DPP10: variants seen among roughly 807,000 people sequenced by gnomAD.
The protein encoded by DPP10 is inactive dipeptidyl peptidase 10.
A neutral mutation model predicts 120.9 loss-of-function variants in DPP10; 33 were observed. The observed-to-expected ratio is 0.27, with a 90% CI of 0.21 to 0.37. The LOEUF (loss-of-function observed/expected upper bound fraction) is 0.37, where lower values mean the gene tolerates loss of function less well. Among genes scored for constraint, DPP10 ranks in the 10% least tolerant of loss-of-function variants. The pLI is 1.00. For synonymous variants in DPP10, 337 were observed against 326.1 expected (o/e 1.03, Z -0.36); for missense variants, 816 against 942.8 (o/e 0.87, Z 1.76).
chr2:114,938,909 A>G (rs1265641634), intron 1 of DPP10, among the ~76,000 whole-genome samples: 1 of 151,912 alleles, frequency 6.6e-6, no homozygotes, highest in East Asian at 1.9e-4. Flanking sequence ...TTGGGGAGAG[A>G]TTTCTAGCTT....
rs536108966 is a variant in DPP10, at chr2:115,756,526, A to G, written c.1074+3229A>G. Among the ~76,000 whole-genome samples, 33 of 152,248 alleles carry G rather than the reference A, an allele frequency of 2.2e-4. No individual in the cohort carries two copies. The South Asian group carries it at 6.4e-3, about 30-fold the overall frequency. Reference sequence around the variant, plus strand: ...AAGTGAATGTATGAAGAGGAAGAATATTTGAATAATTTTACATCAATTAAA... The same window carrying G: ...AAGTGAATGTATGAAGAGGAAGAATGTTTGAATAATTTTACATCAATTAAA... On this transcript the variant is annotated intron_variant, in intron 11 of 25. Coordinates refer to ENST00000410059, the MANE Select transcript of DPP10 (RefSeq NM_020868.6).
chr2:115,760,009 CA>C (rs144992490), intron 11 of DPP10, among the ~76,000 whole-genome samples: 12 of 139,092 alleles, frequency 8.6e-5, no homozygotes, highest in South Asian at 2.2e-4. Context: ...AACTCCGTCA[CA>C]AAAAAAAAAT....
chr2:115,250,360 C>G (rs1013615438), intron 1 of DPP10, among the ~76,000 whole-genome samples: 1 of 152,090 alleles, frequency 6.6e-6, no homozygotes, highest in African/African-American at 2.4e-5. Flanking sequence ...TGCCTTTAGT[C>G]GCAGAAGTTA....
rs1280228762 is a variant in DPP10, at chr2:114,852,159, T to TTTTTC, written c.60+409325_60+409326insCTTTT. ...TTTATAGCGATTGCATCCTTTTTTT[T>TTTTTC]TTTTTTTTTTTTTTTTTCATAAAAT... is the stretch of plus-strand genomic sequence containing the variant. On this transcript the variant is annotated intron_variant, in intron 1 of 25. Transcript: ENST00000410059. Among the ~76,000 whole-genome samples the TTTTTC allele has an allele frequency of 2.7e-4, 38 of 140,726 alleles. 1 individual carries two copies. The highest frequency in any genetic ancestry group is 1.0e-3 in the African/African-American group (38 of 37,162). The allele number at this position is 140,726 out of a possible 152,430, so 92.3% of individuals were successfully genotyped here. A position where few individuals can be genotyped will look rare whatever the true frequency, so the allele number is the denominator to read the frequency against.
At chr2:114,465,718 T>G (rs1038090477) in intron 1 of DPP10, among the ~76,000 whole-genome samples, 1 of 152,204 alleles carries the variant, frequency 6.6e-6, no homozygotes, top group Non-Finnish European at 1.5e-5. Context: ...TGTAATTAAG[T>G]TATAATAATT....
At chr2:115,449,554 AG>A (rs1464221573) in intron 3 of DPP10, among the ~76,000 whole-genome samples, 1 of 152,094 alleles carries the variant, frequency 6.6e-6, no homozygotes, top group East Asian at 1.9e-4. Flanking sequence ...GTAAAGCATT[AG>A]TGACTTTATC....
chr2:115,210,084 G>A (rs764041282), intron 1 of DPP10, among the ~76,000 whole-genome samples: 6 of 151,772 alleles, frequency 4.0e-5, no homozygotes, highest in Admixed American at 6.6e-5. Context: ...GGTTTGCTAC[G>A]TATGTATACA....
At chr2:115,278,874 G>GT (rs1326562255) in intron 1 of DPP10, among the ~76,000 whole-genome samples, 1 of 151,756 alleles carries the variant, frequency 6.6e-6, no homozygotes, top group African/African-American at 2.4e-5. Flanking sequence ...GCCTTTTTTT[G>GT]TTTTTTAAAG....
chr2:114,873,384 A>G (rs994443032), intron 1 of DPP10, among the ~76,000 whole-genome samples: 3 of 152,196 alleles, frequency 2.0e-5, no homozygotes, highest in Non-Finnish European at 2.9e-5. Context: ...CCATGTTGAC[A>G]ACAGGTAACA....
chr2:114,916,047 T>A (rs1173752707), intron 1 of DPP10, among the ~76,000 whole-genome samples: 2 of 151,762 alleles, frequency 1.3e-5, no homozygotes, highest in African/African-American at 2.4e-5. Flanking sequence ...AAAAAGTTGA[T>A]GTTGTGAAAG....
chr2:115,000,527 G>GTTACA lies in DPP10; in HGVS notation c.61-308710_61-308709insACATT, dbSNP rs1452564529. Among the ~76,000 whole-genome samples, 351 of 152,062 alleles carry GTTACA rather than the reference G, an allele frequency of 2.3e-3. 8 individuals are homozygous for GTTACA. In the East Asian group the frequency reaches 0.057, roughly 24 times the overall value. ...GAATAAATTTGCATCTTTTACATTG[G>GTTACA]TTCCTTTTGTCATTATTGTAAATAG... On this transcript the variant is annotated intron_variant, in intron 1 of 25. Coordinates refer to ENST00000410059, the MANE Select transcript of DPP10 (RefSeq NM_020868.6).
chr2:114,455,133 T>A (rs1678492770), intron 1 of DPP10, among the ~76,000 whole-genome samples: 1 of 151,140 alleles, frequency 6.6e-6, no homozygotes, highest in South Asian at 2.1e-4. Flanking sequence ...CTTTGTTGGT[T>A]TTTTCAAGGG....
intron 3 of DPP10, among the ~76,000 whole-genome samples, chr2:115,418,664 T>G (rs1280256530): frequency 6.6e-6 from 1 of 151,882 alleles, no homozygotes; most frequent in Non-Finnish European, 1.5e-5. Flanking sequence ...CCCAGCTACT[T>G]GGGAGTCTGA....
intron 5 of DPP10, among the ~76,000 whole-genome samples, chr2:115,654,355 G>C (rs557501277): frequency 6.6e-6 from 1 of 151,684 alleles, no homozygotes; most frequent in Non-Finnish European, 1.5e-5. Context: ...CATTAATAAC[G>C]TTTTCTATTA....
intron 3 of DPP10, among the ~76,000 whole-genome samples, chr2:115,380,805 C>T (rs2066269909): frequency 6.6e-6 from 1 of 151,948 alleles, no homozygotes; most frequent in African/African-American, 2.4e-5. Context: ...TTCTCCTTCA[C>T]TTATGAAGCT....
rs559805427 is a variant in DPP10, at chr2:114,718,379, C to T, written c.60+275541C>T. On this transcript the variant is annotated intron_variant, in intron 1 of 25. Transcript: ENST00000410059. ...TCACCCCACTGCACTCCAGCCTGGG[C>T]GAGAGTGAGAGACTCTGTTTGAAAA... 2.2e-4 allele frequency among the ~76,000 whole-genome samples: 26 copies of T among 117,964 alleles called. 1 individual carries two copies. The Admixed American group carries it at 2.6e-3, about 12-fold the overall frequency. The allele number at this position is 117,964 out of a possible 152,430, so 77.4% of individuals were successfully genotyped here.
intron 1 of DPP10, among the ~76,000 whole-genome samples, chr2:114,727,786 C>G (rs1390647159): frequency 6.6e-6 from 1 of 152,140 alleles, no homozygotes; most frequent in African/African-American, 2.4e-5. Flanking sequence ...TAGAATTCGC[C>G]AGCCTCTGAA....
chr2:114,652,502 C>T (rs1230783050), intron 1 of DPP10, among the ~76,000 whole-genome samples: 2 of 152,102 alleles, frequency 1.3e-5, no homozygotes, highest in Non-Finnish European at 2.9e-5. Flanking sequence ...GTTTGGAGAT[C>T]ATGTTGATGA....
At chr2:114,620,116 A>G (rs181149237) in intron 1 of DPP10, among the ~76,000 whole-genome samples, 6 of 152,044 alleles carry the variant, frequency 3.9e-5, no homozygotes, top group Non-Finnish European at 8.8e-5. Context: ...TTAGACTATA[A>G]AATTTCAATG....
Sources: allele counts gnomAD v4.1 joint callset (sites outside exome capture counted in the v4.1 genomes callset), GRCh38; gene constraint gnomAD v4.1.1; transcripts MANE v1.5; gene names NCBI Gene and HGNC (gene_info 2026-07-23, HGNC 2026-07-21).